Variants in PDE4D observed in about 807,000 individuals in gnomAD.
The protein encoded by PDE4D is 3',5'-cyclic-AMP phosphodiesterase 4D.
A neutral mutation model predicts 87.4 loss-of-function variants in PDE4D; 24 were observed. The ratio of observed to expected loss-of-function variants is 0.27; its 90% CI spans 0.20 to 0.39. The LOEUF (loss-of-function observed/expected upper bound fraction) is 0.39, where lower values mean the gene tolerates loss of function less well. Among genes scored for constraint, PDE4D ranks in the 10% least tolerant of loss-of-function variants. The pLI is 1.00. For missense variants in PDE4D, 714 were observed against 1,041.0 expected (o/e 0.69, Z 4.32); for synonymous variants, 384 against 383.2 (o/e 1.00, Z -0.02).
At chr5:59,918,802 T>G (rs1195540915) in intron 3 of PDE4D, among the ~76,000 whole-genome samples, 1 of 152,104 alleles carries the variant, frequency 6.6e-6, no homozygotes, top group Non-Finnish European at 1.5e-5. Flanking sequence ...CAGGAGTTGA[T>G]CCATCACCAG....
At chr5:59,700,330 A>C (rs1752384569) in intron 1 of PDE4D, among the ~76,000 whole-genome samples, 1 of 152,222 alleles carries the variant, frequency 6.6e-6, no homozygotes, top group Non-Finnish European at 1.5e-5. Flanking sequence ...TATCATACCT[A>C]TGACACTTTT....
chr5:60,280,145 T>C (rs1183992614), intron 1 of PDE4D, among the ~76,000 whole-genome samples: 2 of 152,144 alleles, frequency 1.3e-5, no homozygotes, highest in African/African-American at 2.4e-5. Context: ...ACAACATTAC[T>C]CAACATATGC....
intron 1 of PDE4D, among the ~76,000 whole-genome samples, chr5:60,390,126 C>T (rs1762464005): frequency 6.6e-6 from 1 of 152,224 alleles, no homozygotes; most frequent in African/African-American, 2.4e-5. Flanking sequence ...CATCTCTCTA[C>T]TTCTTAGCTC....
intron 1 of PDE4D, among the ~76,000 whole-genome samples, chr5:59,234,368 C>T (rs1755904395): frequency 6.6e-6 from 1 of 151,900 alleles, no homozygotes. Flanking sequence ...ATGACTTATG[C>T]TTTTTTAATG....
At chr5:58,989,718 CA>C in intron 10 of PDE4D, 36 bp downstream of exon 10, 1 of 1,426,132 alleles carries the variant, frequency 7.0e-7, no homozygotes, top group Non-Finnish European at 9.6e-7. Flanking sequence ...TTATGAGTGG[CA>C]AGTTAGTGTT....
intron 6 of PDE4D, among the ~76,000 whole-genome samples, chr5:59,013,236 C>T (rs4700318): frequency 2.6e-5 from 4 of 151,636 alleles, no homozygotes; most frequent in Admixed American, 6.6e-5. Flanking sequence ...CACAATTAAA[C>T]GAACTAGAAA....
At chr5:59,909,152 C>T (rs1753165328) in intron 3 of PDE4D, among the ~76,000 whole-genome samples, 1 of 152,134 alleles carries the variant, frequency 6.6e-6, no homozygotes, top group African/African-American at 2.4e-5. Flanking sequence ...TTCACTATAT[C>T]TCTACCAACC....
At chr5:60,444,759 G>A (rs1289053670) in intron 1 of PDE4D, among the ~76,000 whole-genome samples, 1 of 151,834 alleles carries the variant, frequency 6.6e-6, no homozygotes, top group Non-Finnish European at 1.5e-5. Flanking sequence ...CAGGGAGAGG[G>A]CAGGCAGGTA....
At chr5:59,149,765 G>A (rs1003597059) in intron 5 of PDE4D, among the ~76,000 whole-genome samples, 3 of 125,732 alleles carry the variant, frequency 2.4e-5, no homozygotes, top group South Asian at 2.8e-4. Context: ...GTGACTACAA[G>A]TGAGAATGGC....
At chr5:59,927,191 G>T (rs1289075817) in intron 3 of PDE4D, among the ~76,000 whole-genome samples, 1 of 152,134 alleles carries the variant, frequency 6.6e-6, no homozygotes, top group African/African-American at 2.4e-5. Context: ...TTTACTCCAT[G>T]ACACACTTTT....
intron 1 of PDE4D, among the ~76,000 whole-genome samples, chr5:60,331,546 C>T (rs1431096028): frequency 1.3e-5 from 2 of 152,196 alleles, no homozygotes; most frequent in Admixed American, 6.5e-5. Context: ...CAAACTTCCC[C>T]CTGAAGGATA....
At chr5:59,472,064 G>A (rs1370102516) in intron 1 of PDE4D, among the ~76,000 whole-genome samples, 2 of 152,054 alleles carry the variant, frequency 1.3e-5, no homozygotes, top group Non-Finnish European at 2.9e-5. Context: ...GAAAGAGAAG[G>A]GAAGAGCCAA....
Position 59,413,286 on chromosome 5 carries a change from T to A in PDE4D, c.456-197318A>T, listed in dbSNP as rs545100024. Among the ~76,000 whole-genome samples, 3 of 151,732 alleles carry A rather than the reference T, an allele frequency of 2.0e-5. No individual in the cohort carries two copies. In the South Asian group the frequency reaches 6.3e-4, roughly 32 times the overall value. ...TCCTGGCTAACACGGTGAAACCCCG[T>A]CTCTACTAAAAATACAAAAAAATTA... On this transcript the variant is annotated intron_variant, in intron 1 of 14. Transcript: ENST00000340635.
intron 1 of PDE4D, among the ~76,000 whole-genome samples, chr5:59,364,062 G>A (rs776081628): frequency 3.9e-5 from 6 of 152,198 alleles, no homozygotes; most frequent in Non-Finnish European, 8.8e-5. Flanking sequence ...AGATGTTTGA[G>A]TAACAGCAAA....
intron 1 of PDE4D, among the ~76,000 whole-genome samples, chr5:59,804,567 A>C (rs1174168088): frequency 6.6e-6 from 1 of 150,832 alleles, no homozygotes; most frequent in African/African-American, 2.4e-5. Context: ...GTTTACCTTA[A>C]TTTTAAAAAT....
At chr5:59,701,251 G>T (rs1433573470) in intron 1 of PDE4D, among the ~76,000 whole-genome samples, 1 of 151,998 alleles carries the variant, frequency 6.6e-6, no homozygotes, top group African/African-American at 2.4e-5. Context: ...CCCAGAAAAG[G>T]TTAGGTTCTG....
intron 2 of PDE4D, among the ~76,000 whole-genome samples, chr5:60,169,098 C>A (rs1367968812): frequency 6.6e-6 from 1 of 152,052 alleles, no homozygotes; most frequent in African/African-American, 2.4e-5. Context: ...GATAAGACAG[C>A]TTGCCATGGA....
chr5:59,556,842 G>A (rs968463800), intron 1 of PDE4D, among the ~76,000 whole-genome samples: 2 of 152,024 alleles, frequency 1.3e-5, no homozygotes, highest in Admixed American at 1.3e-4. Flanking sequence ...GGCAGGGCAT[G>A]AATAAAGAAA....
intron 1 of PDE4D, among the ~76,000 whole-genome samples, chr5:59,677,717 G>T (rs1452107006): frequency 6.6e-6 from 1 of 152,180 alleles, no homozygotes; most frequent in Non-Finnish European, 1.5e-5. Context: ...CAGAAGAGTT[G>T]AAAATAGAAA....
Sources: gnomAD v4.1 joint callset for allele counts (sites outside exome capture counted in the v4.1 genomes callset) on GRCh38, gnomAD v4.1.1 for gene constraint, MANE v1.5 for transcripts, NCBI Gene and HGNC (gene_info 2026-07-23, HGNC 2026-07-21) for gene names.